DLGAP1: variants seen among roughly 807,000 people sequenced by gnomAD.
The protein encoded by DLGAP1 is DLG associated protein 1, also known as disks large-associated protein 1.
In DLGAP1, 11 loss-of-function variants were observed where a neutral mutation model predicts 90.8. That is an observed-to-expected ratio of 0.12 (90% CI 0.08 to 0.20). DLGAP1 has a LOEUF of 0.20. Ranked by LOEUF, DLGAP1 falls within the 10% of genes least tolerant of loss-of-function variation. The pLI is 1.00. For synonymous variants in DLGAP1, 558 were observed against 540.7 expected, an observed-to-expected ratio of 1.03 and a Z score of -0.44; for missense variants, 1,050 against 1,333.8, an observed-to-expected ratio of 0.79 and a Z score of 3.31.
At chr18:3,628,207 T>G (rs2058380747) in intron 7 of DLGAP1, among the ~76,000 whole-genome samples, 1 of 140,654 alleles carries the variant, frequency 7.1e-6, no homozygotes, top group African/African-American at 2.8e-5. Flanking sequence ...TTTTTTTTTT[T>G]GAGACGGAGT....
intron 3 of DLGAP1, among the ~76,000 whole-genome samples, chr18:3,977,434 G>GTTTTTTTTTTTTTTTTTTTTTTTTTTT (rs58599574): frequency 2.1e-5 from 2 of 95,338 alleles, no homozygotes; most frequent in African/African-American, 8.3e-5. Context: ...TTTATTCTGT[G>GTTTTTTTTTTTTTTTTTTTTTTTTTTT]TTTTTTTTTT....
At chr18:3,716,001 A>C in intron 7 of DLGAP1, among the ~76,000 whole-genome samples, 1 of 152,194 alleles carries the variant, frequency 6.6e-6, no homozygotes, top group East Asian at 1.9e-4. Context: ...AATATTTTTT[A>C]AAAATTTAGT....
chr18:4,363,214 T>TGCA (rs1363928824), intron 1 of DLGAP1, among the ~76,000 whole-genome samples: 9 of 152,154 alleles, frequency 5.9e-5, no homozygotes, highest in African/African-American at 1.9e-4. Flanking sequence ...CAAGGCTGCA[T>TGCA]GCACACAGGG....
At chr18:4,372,835 T>G (rs939564075) in intron 1 of DLGAP1, among the ~76,000 whole-genome samples, 1 of 151,168 alleles carries the variant, frequency 6.6e-6, no homozygotes, top group African/African-American at 2.4e-5. Flanking sequence ...GGCTGAGGCA[T>G]GAGAATCACT....
At chr18:3,815,696 A>C (rs999634132) in intron 4 of DLGAP1, among the ~76,000 whole-genome samples, 1 of 152,116 alleles carries the variant, frequency 6.6e-6, no homozygotes, top group Non-Finnish European at 1.5e-5. Context: ...AGTTCCTCTT[A>C]GATTTTCCAC....
chr18:4,073,314 T>TA (rs1288499688), intron 2 of DLGAP1, among the ~76,000 whole-genome samples: 1 of 152,094 alleles, frequency 6.6e-6, no homozygotes, highest in Non-Finnish European at 1.5e-5. Context: ...GACTCTAAGG[T>TA]AAAAATCTAC....
At chr18:4,056,364 G>C (rs2075216867) in intron 2 of DLGAP1, among the ~76,000 whole-genome samples, 1 of 152,194 alleles carries the variant, frequency 6.6e-6, no homozygotes, top group Non-Finnish European at 1.5e-5. Context: ...CTTAGTCACT[G>C]GCCAGAAGCG....
intron 5 of DLGAP1, among the ~76,000 whole-genome samples, chr18:3,777,160 C>T (rs961075543): frequency 1.6e-4 from 24 of 152,098 alleles, no homozygotes; most frequent in African/African-American, 5.6e-4. Context: ...TTCAAGGCCC[C>T]ATACATTAAA....
intron 9 of DLGAP1, among the ~76,000 whole-genome samples, chr18:3,546,411 T>C (rs2144708015): frequency 1.7e-5 from 1 of 59,354 alleles, no homozygotes; most frequent in Admixed American, 2.3e-4. Context: ...CCAAACCTTG[T>C]CTCAAAAAAA....
At chr18:3,840,367 G>A (rs2068646214) in intron 4 of DLGAP1, among the ~76,000 whole-genome samples, 1 of 152,060 alleles carries the variant, frequency 6.6e-6, no homozygotes, top group African/African-American at 2.4e-5. Context: ...GAGGCTCGAG[G>A]GGAGAATCCA....
At chr18:4,302,257 T>C (rs1450986077) in intron 1 of DLGAP1, among the ~76,000 whole-genome samples, 1 of 152,208 alleles carries the variant, frequency 6.6e-6, no homozygotes, top group African/African-American at 2.4e-5. Context: ...TATTTTCTTC[T>C]AGTAGTTTTA....
At chr18:3,624,437 C>T (rs183720242) in intron 7 of DLGAP1, among the ~76,000 whole-genome samples, 5 of 152,272 alleles carry the variant, frequency 3.3e-5, no homozygotes, top group African/African-American at 1.2e-4. Context: ...TACCGCATGA[C>T]GACTGAATGA....
chr18:3,918,572 G>T (rs2072197151), intron 3 of DLGAP1, among the ~76,000 whole-genome samples: 1 of 152,122 alleles, frequency 6.6e-6, no homozygotes, highest in Non-Finnish European at 1.5e-5. Flanking sequence ...GGAACTAGAG[G>T]TCCCTGGAAA....
rs181972184 is a variant in DLGAP1, at chr18:4,410,642, C to T, written c.-267+44364G>A. Among the ~76,000 whole-genome samples the T allele has an allele frequency of 4.4e-3, 663 of 151,642 alleles. 6 individuals carry two copies. Among genetic ancestry groups the T allele is most frequent in the South Asian group, 0.017 (80 of 4,798 alleles). ...TAAATGGAATTACATATACAGTATC[C>T]GCTGATCCAGCAATTTTATTTTCAG... On this transcript the variant is annotated intron_variant, in intron 1 of 12. Transcript: ENST00000315677.
At chr18:3,608,579 T>G (rs1370784728) in intron 7 of DLGAP1, among the ~76,000 whole-genome samples, 1 of 152,158 alleles carries the variant, frequency 6.6e-6, no homozygotes, top group Admixed American at 6.5e-5. Context: ...CAGAACATAA[T>G]GCCCTAAAAT....
At chr18:3,880,944 G>GAAAAAAAAAAAAAAAAA (rs1173817359) in intron 3 of DLGAP1, among the ~76,000 whole-genome samples, 1 of 38,356 alleles carries the variant, frequency 2.6e-5, no homozygotes, top group African/African-American at 9.0e-5. Context: ...CTCCATCTCA[G>GAAAAAAAAAAAAAAAAA]AAAAAAAAAA....
chr18:3,962,470 C>T (rs1033417125), intron 3 of DLGAP1: 1 of 152,174 alleles, frequency 6.6e-6, no homozygotes, highest in African/African-American at 2.4e-5. Context: ...AGCCTGGAAC[C>T]TTTATATATT....
rs1289429695 is a variant in DLGAP1 at position 4,443,423 on chromosome 18, C to T, written c.-267+11583G>A. On this transcript the variant is annotated intron_variant, in intron 1 of 12. Transcript: ENST00000315677. ...GCAGAGCCAGGGAGTTCTGTTTCTGCAGCAGAAGGGATGGCATGTGTTCCT... is the reference window on the plus strand; with the variant it reads ...GCAGAGCCAGGGAGTTCTGTTTCTGTAGCAGAAGGGATGGCATGTGTTCCT... Among the ~76,000 whole-genome samples, 6 of 152,162 alleles carry T rather than the reference C, an allele frequency of 3.9e-5. No individual in the cohort carries two copies. The East Asian group carries it at 9.6e-4, about 24-fold the overall frequency.
chr18:3,733,141 TTTTA>T (rs1652620756), intron 6 of DLGAP1, among the ~76,000 whole-genome samples: 1 of 152,144 alleles, frequency 6.6e-6, no homozygotes, highest in African/African-American at 2.4e-5. Context: ...GAGCAAACAA[TTTTA>T]TTTTACATGT....
Sources: gnomAD v4.1 joint callset for allele counts (sites outside exome capture counted in the v4.1 genomes callset) on GRCh38, gnomAD v4.1.1 for gene constraint, MANE v1.5 for transcripts, NCBI Gene and HGNC (gene_info 2026-07-23, HGNC 2026-07-21) for gene names.